Variants in MRS2 observed in about 807,000 individuals in gnomAD.
MRS2 encodes magnesium transporter MRS2 homolog, mitochondrial.
MRS2 carries 40 observed loss-of-function variants against 52.6 expected under a neutral mutation model. The observed-to-expected ratio is 0.76, with a 90% CI of 0.59 to 0.99. The LOEUF (loss-of-function observed/expected upper bound fraction) is 0.99. Among genes scored for constraint, MRS2 ranks in the 50% least tolerant of loss-of-function variants. The pLI is 0.00. For missense variants in MRS2, 472 were observed against 532.7 expected (o/e 0.89, Z 1.12); for synonymous variants, 193 against 195.9 (o/e 0.98, Z 0.13).
rs1436854097 is a variant in MRS2 at position 24,424,997 on chromosome 6, G to C, written c.*1303G>C. On this transcript the variant is annotated 3_prime_UTR_variant, in exon 11 of 11. Coordinates refer to ENST00000378386, the MANE Select transcript of MRS2 (RefSeq NM_020662.4). ...TTAGAGGGAAGCTGCAGAACAGAAT[G>C]GAACAGGACAGGCTGGGCTAGACTC... 6.6e-6 allele frequency: 1 copy of C among 152,222 alleles called. No individual in the cohort carries two copies. Among genetic ancestry groups the C allele is most frequent in the East Asian group, 1.9e-4 (1 of 5,204 alleles). 9.4% of individuals were successfully genotyped at this position (152,222 alleles called of 1,614,324 possible). A position where few individuals can be genotyped will look rare whatever the true frequency, so the allele number is the denominator to read the frequency against.
intron 6 of MRS2, 57 bp downstream of exon 6, chr6:24,415,220 T>G (rs1761807418): frequency 1.4e-6 from 2 of 1,480,736 alleles, no homozygotes; most frequent in African/African-American, 1.4e-5. Context: ...TAAAATCAAT[T>G]ATTAACATTT....
chr6:24,404,068 A>G (rs1280382242), intron 1 of MRS2, among the ~76,000 whole-genome samples: 1 of 152,378 alleles, frequency 6.6e-6, no homozygotes, highest in African/African-American at 2.4e-5. Context: ...GAATGACTTT[A>G]TTAAGAACAT....
chr6:24,421,528 G>C (rs368587493), intron 9 of MRS2, among the ~76,000 whole-genome samples: 22 of 152,178 alleles, frequency 1.4e-4, no homozygotes, highest in African/African-American at 4.8e-4. Context: ...CAGACTTCTG[G>C]AAAAGTTCCA....
intron 2 of MRS2, among the ~76,000 whole-genome samples, chr6:24,406,618 C>CA (rs902884401): frequency 7.3e-5 from 11 of 151,686 alleles, no homozygotes; most frequent in Non-Finnish European, 1.3e-4. Flanking sequence ...TACTAAAAAA[C>CA]AAAAAAATTA....
chr6:24,404,081 C>G (rs1761378530), intron 1 of MRS2, among the ~76,000 whole-genome samples: 1 of 152,200 alleles, frequency 6.6e-6, no homozygotes, highest in Non-Finnish European at 1.5e-5. Flanking sequence ...AAGAACATAG[C>G]AGTGTCCTCA....
At chr6:24,418,039 TAC>T in intron 7 of MRS2, 43 bp from the exon 8 acceptor site, 2 of 1,555,492 alleles carry the variant, frequency 1.3e-6, no homozygotes, top group Non-Finnish European at 1.7e-6. Flanking sequence ...AAGTATATGA[TAC>T]ACATGTTGGG....
chr6:24,414,951 G>A, intron 5 of MRS2, 82 bp from the exon 6 acceptor site: 2 of 1,264,360 alleles, frequency 1.6e-6, no homozygotes, highest in Non-Finnish European at 1.1e-6. Context: ...ACAGATTTCT[G>A]TATTTAATCA....
rs1762178991 is a variant in MRS2 at position 24,424,940 on chromosome 6, TC to T, written c.*1250del. 2 of 148,650 alleles carry T rather than the reference TC, an allele frequency of 1.3e-5. No homozygotes were observed. Among genetic ancestry groups the T allele is most frequent in the Admixed American group, 1.3e-4 (2 of 15,004 alleles). 9.2% of individuals were successfully genotyped at this position (148,650 alleles called of 1,614,324 possible). A position where few individuals can be genotyped will look rare whatever the true frequency, so the allele number is the denominator to read the frequency against. ...AAACCGATGAAGTACAAGTAAGGTT[TC>T]CCCACTCCTGTGTGTGGTCATGGGA... On this transcript the variant is annotated 3_prime_UTR_variant, in exon 11 of 11. Coordinates refer to ENST00000378386, the MANE Select transcript of MRS2 (RefSeq NM_020662.4).
chr6:24,414,142 CT>C (rs200456436), intron 5 of MRS2, among the ~76,000 whole-genome samples: 8 of 144,062 alleles, frequency 5.6e-5, no homozygotes, highest in East Asian at 4.1e-4. Flanking sequence ...AGGAGAAAGA[CT>C]TTTTTTTTTA....
rs145986349 is a variant in MRS2 at position 24,415,099 on chromosome 6, G to A, written c.655G>A (p.Val219Met). Residue 219 changes from valine to methionine, a missense_variant, in exon 6 of 11, where the codon GTG (valine) becomes ATG (methionine). Transcript: ENST00000378386. The part of the protein sequence containing the change: ...PLILETLDAL[V>M]DPKHSSVDRS... Reference sequence around the variant, plus strand: ...GATCCTTGAGACCTTGGATGCTTTGGTGGACCCCAAACATTCTTCTGTAGA... The same window carrying A: ...GATCCTTGAGACCTTGGATGCTTTGATGGACCCCAAACATTCTTCTGTAGA... 13 of 1,611,788 alleles carry A rather than the reference G, an allele frequency of 8.1e-6. No homozygotes were observed. In the African/African-American group the frequency reaches 1.7e-4, roughly 22 times the overall value.
At chr6:24,414,519 G>A (rs1425680844) in intron 5 of MRS2, among the ~76,000 whole-genome samples, 1 of 152,046 alleles carries the variant, frequency 6.6e-6, no homozygotes. Context: ...TCTTAGTACA[G>A]AACAAAATGG....
At chr6:24,405,087 C>T in intron 1 of MRS2, 81 bp from the exon 2 acceptor site, 1 of 944,082 alleles carries the variant, frequency 1.1e-6, no homozygotes, top group South Asian at 1.4e-5. Context: ...TGAAGGCCTC[C>T]ACATACTTTG....
Position 24,402,980 on chromosome 6 carries a change from C to T in MRS2, c.-67C>T. On this transcript the variant is annotated 5_prime_UTR_variant, in exon 1 of 11. Coordinates refer to ENST00000378386, the MANE Select transcript of MRS2 (RefSeq NM_020662.4). ...CGGTAGCGACAGGTCAGAGCTGCGG[C>T]CTGAGCAGCCAGCGTCCGGCATGAA... 2.1e-6 allele frequency: 3 copies of T among 1,446,032 alleles called. No homozygotes were observed. The highest frequency in any genetic ancestry group is 2.7e-5 in the South Asian group (2 of 74,030). 89.6% of individuals were successfully genotyped at this position (1,446,032 alleles called of 1,614,324 possible). A position where few individuals can be genotyped will look rare whatever the true frequency, so the allele number is the denominator to read the frequency against.
At chr6:24,421,625 A>ATACTT (rs1238937347) in intron 9 of MRS2, among the ~76,000 whole-genome samples, 1 of 152,232 alleles carries the variant, frequency 6.6e-6, no homozygotes, top group Non-Finnish European at 1.5e-5. Flanking sequence ...CTTTGCTAGC[A>ATACTT]TACTTTATTC....
chr6:24,405,062 AATAAT>A, intron 1 of MRS2, 101 bp from the exon 2 acceptor site: 1 of 655,132 alleles, frequency 1.5e-6, no homozygotes, highest in African/African-American at 1.8e-5. Flanking sequence ...AATATTTAAA[AATAAT>A]AAAATAGTCT....
chr6:24,412,643 T>A (rs750579952), intron 5 of MRS2, among the ~76,000 whole-genome samples: 4 of 152,228 alleles, frequency 2.6e-5, no homozygotes, highest in Non-Finnish European at 5.9e-5. Flanking sequence ...TTTTATTAAA[T>A]CATTTCATCA....
intron 2 of MRS2, among the ~76,000 whole-genome samples, chr6:24,405,619 G>GT (rs1561805341): frequency 4.5e-4 from 69 of 151,890 alleles, no homozygotes; most frequent in African/African-American, 1.6e-3. Flanking sequence ...GAAATGGTTC[G>GT]GGGGTGGGGA....
At chr6:24,405,656 A>G (rs1561805366) in intron 2 of MRS2, among the ~76,000 whole-genome samples, 1 of 151,936 alleles carries the variant, frequency 6.6e-6, no homozygotes, top group Non-Finnish European at 1.5e-5. Context: ...TGAATAAGAT[A>G]ATGTATCACA....
chr6:24,411,521 TTCCC>T (rs202220913), intron 4 of MRS2, among the ~76,000 whole-genome samples: 3,445 of 152,032 alleles, frequency 0.023, 78 homozygotes, highest in African/African-American at 0.061. Flanking sequence ...CCTTATCTTG[TTCCC>T]TTTATTTATT....
Sources: allele counts gnomAD v4.1 joint callset (sites outside exome capture counted in the v4.1 genomes callset), GRCh38; gene constraint gnomAD v4.1.1; transcripts MANE v1.5; gene names NCBI Gene and HGNC (gene_info 2026-07-23, HGNC 2026-07-21).